Variants in MSRA observed in about 807,000 individuals in gnomAD.
MSRA encodes mitochondrial peptide methionine sulfoxide reductase.
Under a neutral mutation model 31.3 loss-of-function variants are expected in MSRA, and 54 were observed. That is an observed-to-expected ratio of 1.73 (90% CI 1.39 to 2.17). The LOEUF is 2.17. Among genes scored for constraint, MSRA ranks in the 30% most tolerant of loss-of-function variants. The probability of loss-of-function intolerance (pLI) is 0.00; values close to 1 mark genes in which losing one functional copy is unlikely to be tolerated. For synonymous variants in MSRA, 169 were observed against 116.5 expected (o/e 1.45, Z -2.90); for missense variants, 507 against 300.9 (o/e 1.69, Z -5.07).
At chr8:10,113,011 C>G (rs1037386824) in intron 1 of MSRA, among the ~76,000 whole-genome samples, 1 of 152,172 alleles carries the variant, frequency 6.6e-6, no homozygotes. Flanking sequence ...CCTGCAGTGA[C>G]TTCTGTTGGC....
At chr8:10,256,754 AC>A (rs1798203501) in intron 3 of MSRA, among the ~76,000 whole-genome samples, 1 of 152,164 alleles carries the variant, frequency 6.6e-6, no homozygotes, top group Non-Finnish European at 1.5e-5. Context: ...GGGCAGAGAT[AC>A]ATGTATTTCT....
intron 1 of MSRA, among the ~76,000 whole-genome samples, chr8:10,086,102 T>G (rs1798546840): frequency 6.6e-6 from 1 of 152,220 alleles, no homozygotes; most frequent in Non-Finnish European, 1.5e-5. Flanking sequence ...CTATGATCAG[T>G]GTAACTTTTT....
At chr8:10,345,132 G>A (rs1403161708) in intron 5 of MSRA, among the ~76,000 whole-genome samples, 2 of 152,130 alleles carry the variant, frequency 1.3e-5, no homozygotes, top group Non-Finnish European at 2.9e-5. Flanking sequence ...CCAATTCCAA[G>A]AGCTTATCAA....
chr8:10,326,047 G>C (rs145292484), intron 5 of MSRA, among the ~76,000 whole-genome samples: 1 of 152,276 alleles, frequency 6.6e-6, no homozygotes, highest in East Asian at 1.9e-4. Flanking sequence ...TCTTCAGAAG[G>C]CTTGGTGTTT....
intron 1 of MSRA, among the ~76,000 whole-genome samples, chr8:10,068,678 C>G (rs912866953): frequency 5.3e-5 from 8 of 152,166 alleles, no homozygotes; most frequent in African/African-American, 1.7e-4. Flanking sequence ...AGACAAATGT[C>G]TTTTCTTTTG....
intron 1 of MSRA, among the ~76,000 whole-genome samples, chr8:10,111,494 C>G (rs1024340698): frequency 6.6e-6 from 1 of 152,126 alleles, no homozygotes; most frequent in Non-Finnish European, 1.5e-5. Flanking sequence ...GATCTTTTCC[C>G]TTCTTCACTC....
chr8:10,121,660 ACT>A (rs1312995704), intron 1 of MSRA, among the ~76,000 whole-genome samples: 1 of 150,158 alleles, frequency 6.7e-6, no homozygotes, highest in African/African-American at 2.5e-5. Flanking sequence ...TTTCTTTCTT[ACT>A]CCCTCTCCCT....
intron 2 of MSRA, among the ~76,000 whole-genome samples, chr8:10,244,607 T>G (rs1165340982): frequency 1.3e-5 from 2 of 152,196 alleles, no homozygotes; most frequent in Non-Finnish European, 2.9e-5. Flanking sequence ...AAATGAAAAC[T>G]AAACACATAT....
At chr8:10,338,755 T>C (rs1044217376) in intron 5 of MSRA, among the ~76,000 whole-genome samples, 3 of 152,324 alleles carry the variant, frequency 2.0e-5, no homozygotes, top group Middle Eastern at 6.8e-3. Flanking sequence ...AAAGCCCCTT[T>C]AATGGACTTT....
chr8:10,312,477 C>G (rs1340598959), intron 4 of MSRA, among the ~76,000 whole-genome samples: 1 of 152,174 alleles, frequency 6.6e-6, no homozygotes, highest in East Asian at 1.9e-4. Context: ...AGTGAGTTCT[C>G]CCAACATTTA....
intron 2 of MSRA, among the ~76,000 whole-genome samples, chr8:10,228,617 C>T (rs1034688915): frequency 6.6e-6 from 1 of 152,162 alleles, no homozygotes; most frequent in African/African-American, 2.4e-5. Context: ...CAGCTTCTGA[C>T]GTTGTTTCCA....
intron 1 of MSRA, among the ~76,000 whole-genome samples, chr8:10,064,508 C>T (rs1443162612): frequency 5.3e-5 from 8 of 151,978 alleles, no homozygotes; most frequent in African/African-American, 1.2e-4. Context: ...CATGATACAG[C>T]GAAGGCTAGT....
rs980641536 is a variant in MSRA, at chr8:10,428,446, C to T, written c.*134C>T. On this transcript the variant is annotated 3_prime_UTR_variant, in exon 6 of 6. Coordinates refer to ENST00000317173, the MANE Select transcript of MSRA (RefSeq NM_012331.5). ...AGGAATTTATACAGATTGGGTTTAC[C>T]GAAGTATAATCTATAGGAGGCGCGA... The T allele has an allele frequency of 2.7e-5, 27 of 988,006 alleles. No individual in the cohort carries two copies. The highest frequency in any genetic ancestry group is 1.7e-4 in the Admixed American group (6 of 36,220). The allele number at this position is 988,006 out of a possible 1,614,324, so 61.2% of individuals were successfully genotyped here.
intron 3 of MSRA, among the ~76,000 whole-genome samples, chr8:10,283,561 G>T (rs896553506): frequency 9.9e-5 from 15 of 151,598 alleles, no homozygotes; most frequent in South Asian, 4.2e-4. Flanking sequence ...ACACTGAACC[G>T]AATTTGTAGT....
intron 3 of MSRA, among the ~76,000 whole-genome samples, chr8:10,257,180 T>G (rs145317109): frequency 5.1e-4 from 77 of 152,170 alleles, no homozygotes; most frequent in Non-Finnish European, 5.9e-4. Flanking sequence ...TGGCCAGGAA[T>G]GGGCACGTAC....
At chr8:10,190,561 A>C (rs1201501848) in intron 1 of MSRA, among the ~76,000 whole-genome samples, 1 of 152,224 alleles carries the variant, frequency 6.6e-6, no homozygotes, top group Non-Finnish European at 1.5e-5. Context: ...ACCTTCTCCA[A>C]GACATCTGAG....
At position 10,072,108 on chromosome 8, in the gene MSRA, A is replaced by G. The variant is rs547477942; in HGVS notation, c.142+17450A>G. 3.9e-5 allele frequency among the ~76,000 whole-genome samples: 6 copies of G among 152,056 alleles called. No individual in the cohort carries two copies. In the East Asian group the frequency reaches 5.8e-4, roughly 15 times the overall value. On this transcript the variant is annotated intron_variant, in intron 1 of 5. Transcript: ENST00000317173. ...GCAGGTTGGCCAGGTGCCATGTGACACACACCCTTAAGCAGAACAAAGGCG... is the reference window on the plus strand; with the variant it reads ...GCAGGTTGGCCAGGTGCCATGTGACGCACACCCTTAAGCAGAACAAAGGCG...
At chr8:10,382,909 T>G (rs982079277) in intron 5 of MSRA, among the ~76,000 whole-genome samples, 1 of 152,204 alleles carries the variant, frequency 6.6e-6, no homozygotes, top group Non-Finnish European at 1.5e-5. Flanking sequence ...CAGCTCCCTT[T>G]CAGGTCTTCA....
At chr8:10,265,389 A>T (rs1798693029) in intron 3 of MSRA, among the ~76,000 whole-genome samples, 1 of 152,144 alleles carries the variant, frequency 6.6e-6, no homozygotes, top group South Asian at 2.1e-4. Flanking sequence ...TGGGGTGCTC[A>T]CAAAGTGTGG....
Sources: allele counts gnomAD v4.1 joint callset (sites outside exome capture counted in the v4.1 genomes callset), GRCh38; gene constraint gnomAD v4.1.1; transcripts MANE v1.5; gene names NCBI Gene and HGNC (gene_info 2026-07-23, HGNC 2026-07-21).